The following CRISP3 variants were observed in gnomAD, a reference collection of about 807,000 sequenced individuals.
The protein encoded by CRISP3 is cysteine rich secretory protein 3.
A neutral mutation model predicts 36.1 loss-of-function variants in CRISP3; 33 were observed. The ratio of observed to expected loss-of-function variants is 0.91; its 90% CI spans 0.69 to 1.22. The LOEUF is 1.22. Ranked by LOEUF, CRISP3 falls within the 50% of genes most tolerant of loss-of-function variation. CRISP3 has a pLI of 0.00. For missense variants in CRISP3, 330 were observed against 301.2 expected (o/e 1.10, Z -0.71); for synonymous variants, 117 against 104.6 (o/e 1.12, Z -0.72).
Position 49,735,591 on chromosome 6 carries a change from C to A in CRISP3, c.229G>T (p.Glu77Ter), listed in dbSNP as rs867301738. 4 of 1,610,390 alleles carry A rather than the reference C, an allele frequency of 2.5e-6. No individual in the cohort carries two copies. Among genetic ancestry groups the A allele is most frequent in the South Asian group, 1.1e-5 (1 of 90,736 alleles). Residue 77 changes from glutamate (E) to a stop codon, truncating the protein, a stop_gained and splice_region_variant, in exon 4 of 8, where the codon GAA (glutamate) becomes TAA (stop). Coordinates refer to ENST00000263045, the MANE Select transcript of CRISP3 (RefSeq NM_006061.4). LOFTEE classifies it high-confidence loss of function. ...TTTGCTGCAGCCTCTTTGTTCCATTCCTGAAACAAGGACAGAAAAAAGATA... is the reference window on the plus strand; with the variant it reads ...TTTGCTGCAGCCTCTTTGTTCCATTACTGAAACAAGGACAGAAAAAAGATA... ...SPPARNMLKM[E>*]WNKEAAANAQ...
At position 49,728,642 on chromosome 6, in the gene CRISP3, TA is replaced by T. The variant is rs1768831964; in HGVS notation, c.*87del. ...TCAAACATGCCTACAATTTCTCAGC[TA>T]GTATATGTTAAATCTAAGTAGATGC... On this transcript the variant is annotated 3_prime_UTR_variant, in exon 8 of 8. Coordinates refer to ENST00000263045, the MANE Select transcript of CRISP3 (RefSeq NM_006061.4). 9.1e-7 allele frequency: 1 copy of T among 1,096,588 alleles called. No homozygotes were observed. Among genetic ancestry groups the T allele is most frequent in the Non-Finnish European group, 1.2e-6 (1 of 817,140 alleles). The allele number at this position is 1,096,588 out of a possible 1,614,324, so 67.9% of individuals were successfully genotyped here.
At chr6:49,743,475 G>C (rs1769258008) in intron 1 of CRISP3, among the ~76,000 whole-genome samples, 1 of 152,110 alleles carries the variant, frequency 6.6e-6, no homozygotes, top group Non-Finnish European at 1.5e-5. Flanking sequence ...GGCAACACCG[G>C]ATCTTCTATG....
intron 1 of CRISP3, among the ~76,000 whole-genome samples, chr6:49,738,517 C>T (rs967552812): frequency 6.6e-6 from 1 of 152,160 alleles, no homozygotes; most frequent in East Asian, 1.9e-4. Context: ...AGTAGTGACT[C>T]ATCCTACAAA....
intron 6 of CRISP3, 101 bp downstream of exon 6, chr6:49,733,094 A>T: frequency 3.3e-6 from 2 of 602,458 alleles, no homozygotes; most frequent in Non-Finnish European, 5.4e-6. Flanking sequence ...CTAAAGATTA[A>T]TCTCCTTCAC....
At chr6:49,740,276 G>A (rs1416932109) in intron 1 of CRISP3, among the ~76,000 whole-genome samples, 3 of 152,084 alleles carry the variant, frequency 2.0e-5, no homozygotes, top group Non-Finnish European at 2.9e-5. Context: ...ACTTCTATAG[G>A]CATATCTGGC....
intron 3 of CRISP3, 77 bp from the exon 4 acceptor site, chr6:49,735,668 T>C (rs1582194037): frequency 9.7e-7 from 1 of 1,034,004 alleles, no homozygotes; most frequent in Middle Eastern, 2.1e-4. Flanking sequence ...AATCAGGTTA[T>C]AGGTTGATTT....
chr6:49,741,008 G>C (rs943457555), intron 1 of CRISP3, among the ~76,000 whole-genome samples: 1 of 151,960 alleles, frequency 6.6e-6, no homozygotes, highest in South Asian at 2.1e-4. Flanking sequence ...GGCTGAGGCA[G>C]GAGAATGGCG....
At chr6:49,735,445 A>G in intron 4 of CRISP3, 59 bp downstream of exon 4, 1 of 1,340,952 alleles carries the variant, frequency 7.5e-7, no homozygotes, top group African/African-American at 1.4e-5. Context: ...GCAACATCAT[A>G]ACATGGTTTA....
Position 49,727,617 on chromosome 6 carries a change from T to A in CRISP3, c.*1113A>T, listed in dbSNP as rs773222114. 6.6e-6 allele frequency: 1 copy of A among 152,174 alleles called. No homozygotes were observed. The highest frequency in any genetic ancestry group is 1.5e-5 in the Non-Finnish European group (1 of 67,998). The allele number at this position is 152,174 out of a possible 1,614,324, so 9.4% of individuals were successfully genotyped here. A position where few individuals can be genotyped will look rare whatever the true frequency, so the allele number is the denominator to read the frequency against. ...ACTGATCTTTTTCTGTTCCAGGATC[T>A]GATCCAAGAAGCACATTGCATTTGG... On this transcript the variant is annotated 3_prime_UTR_variant, in exon 8 of 8. Transcript: ENST00000263045.
At chr6:49,738,061 G>A (rs1769105208) in intron 1 of CRISP3, among the ~76,000 whole-genome samples, 1 of 151,954 alleles carries the variant, frequency 6.6e-6, no homozygotes, top group South Asian at 2.1e-4. Flanking sequence ...AATTTAAAAA[G>A]GCAACATTTT....
chr6:49,731,287 T>A, intron 6 of CRISP3, 36 bp from the exon 7 acceptor site: 1 of 1,423,156 alleles, frequency 7.0e-7, no homozygotes, highest in Non-Finnish European at 9.8e-7. Flanking sequence ...ATATTTTTCA[T>A]TTTTATGTTT....
intron 4 of CRISP3, 143 bp downstream of exon 4, chr6:49,735,361 A>G: frequency 1.7e-6 from 1 of 602,024 alleles, no homozygotes; most frequent in Non-Finnish European, 2.9e-6. Flanking sequence ...TCTCAGAGTT[A>G]TCTCTACATG....
chr6:49,733,886 A>G, intron 4 of CRISP3, 38 bp from the exon 5 acceptor site: 3 of 1,596,904 alleles, frequency 1.9e-6, no homozygotes, highest in Non-Finnish European at 2.6e-6. Flanking sequence ...AAAGCAATAA[A>G]GCATGCAATG....
At chr6:49,736,019 T>C (rs1286523397) in intron 3 of CRISP3, among the ~76,000 whole-genome samples, 1 of 152,086 alleles carries the variant, frequency 6.6e-6, no homozygotes, top group African/African-American at 2.4e-5. Context: ...TGGCCTTTGG[T>C]ACAGGGCCCA....
At chr6:49,731,395 T>C in intron 6 of CRISP3, 144 bp from the exon 7 acceptor site, 1 of 481,696 alleles carries the variant, frequency 2.1e-6, no homozygotes, top group Non-Finnish European at 3.7e-6. Context: ...AATCTCAGAG[T>C]ATATTCAGAC....
In CRISP3 at chr6:49,731,361, A is replaced by T. The variant is rs147544316; in HGVS notation, c.561-110T>A. 1.7e-3 allele frequency: 827 copies of T among 488,400 alleles called. 8 individuals are homozygous for T. The highest frequency in any genetic ancestry group is 0.012 in the African/African-American group (597 of 49,916). 30.3% of individuals were successfully genotyped at this position (488,400 alleles called of 1,614,324 possible). A position where few individuals can be genotyped will look rare whatever the true frequency, so the allele number is the denominator to read the frequency against. ...CATGAGTATTTATTAAATGTTTTTAATTATGTCAAATAATTAAAAATATAA... is the reference window on the plus strand; with the variant it reads ...CATGAGTATTTATTAAATGTTTTTATTTATGTCAAATAATTAAAAATATAA... On this transcript the variant is annotated intron_variant, in intron 6 of 7. Coordinates refer to ENST00000263045, the MANE Select transcript of CRISP3 (RefSeq NM_006061.4).
chr6:49,733,322 C>A (rs546642406), intron 5 of CRISP3, 30 bp from the exon 6 acceptor site: 42 of 1,384,884 alleles, frequency 3.0e-5, no homozygotes, highest in Non-Finnish European at 3.8e-5. Flanking sequence ...GATATGAGAG[C>A]ACATTAGAGA....
At chr6:49,734,609 A>C (rs1030751290) in intron 4 of CRISP3, among the ~76,000 whole-genome samples, 3 of 152,174 alleles carry the variant, frequency 2.0e-5, no homozygotes, top group African/African-American at 4.8e-5. Context: ...GAGGGAAAGA[A>C]AGAAGCTAAG....
At chr6:49,737,589 C>T (rs1769090834) in intron 1 of CRISP3, 191 bp from the exon 2 acceptor site, 1 of 646,424 alleles carries the variant, frequency 1.5e-6, no homozygotes. Flanking sequence ...ATGCATTCAA[C>T]TGGGACTATA....
Sources: allele counts gnomAD v4.1 joint callset (sites outside exome capture counted in the v4.1 genomes callset), GRCh38; gene constraint gnomAD v4.1.1; transcripts MANE v1.5; gene names NCBI Gene and HGNC (gene_info 2026-07-23, HGNC 2026-07-21).